ASAP1: variants seen among roughly 807,000 people sequenced by gnomAD.
ASAP1 encodes the protein arf-GAP with SH3 domain, ANK repeat and PH domain-containing protein 1.
In ASAP1, 43 loss-of-function variants were observed where a neutral mutation model predicts 145.2. That is an observed-to-expected ratio of 0.30 (90% CI 0.23 to 0.38). The LOEUF is 0.38. Ranked by LOEUF, ASAP1 falls within the 10% of genes least tolerant of loss-of-function variation. ASAP1 has a pLI of 1.00. For synonymous variants in ASAP1, 546 were observed against 515.5 expected, an observed-to-expected ratio of 1.06 and a Z score of -0.80; for missense variants, 1,018 against 1,355.3, an observed-to-expected ratio of 0.75 and a Z score of 3.91.
chr8:130,283,407 G>A (rs756713371), intron 3 of ASAP1, among the ~76,000 whole-genome samples: 82 of 152,006 alleles, frequency 5.4e-4, no homozygotes, highest in African/African-American at 1.7e-3. Flanking sequence ...GTGAAACCTC[G>A]TCTCTACTAA....
chr8:130,389,325 C>T (rs375758437), intron 2 of ASAP1, among the ~76,000 whole-genome samples: 3 of 152,222 alleles, frequency 2.0e-5, no homozygotes, highest in South Asian at 2.1e-4. Context: ...TCTGCAGTTC[C>T]GCCATGTGAT....
intron 24 of ASAP1, among the ~76,000 whole-genome samples, chr8:130,104,337 C>T (rs1375277836): frequency 1.3e-5 from 2 of 152,210 alleles, no homozygotes; most frequent in East Asian, 1.9e-4. Context: ...TGAATCTTTG[C>T]CCTGGCATGC....
At chr8:130,361,647 C>T (rs1454479486) in intron 2 of ASAP1, 1 of 1,481,728 alleles carries the variant, frequency 6.7e-7, no homozygotes, top group South Asian at 1.2e-5. Context: ...ATTACAATTT[C>T]AAAGGTTCAC....
chr8:130,203,405 T>C (rs1351988329), intron 5 of ASAP1, among the ~76,000 whole-genome samples: 1 of 152,116 alleles, frequency 6.6e-6, no homozygotes, highest in Admixed American at 6.5e-5. Context: ...CACTAACCCG[T>C]GTTTCCCGGT....
At chr8:130,191,010 A>T (rs1292692317) in intron 5 of ASAP1, among the ~76,000 whole-genome samples, 3 of 151,736 alleles carry the variant, frequency 2.0e-5, no homozygotes, top group Non-Finnish European at 4.4e-5. Flanking sequence ...CATTAAAAAG[A>T]TGAGATATTT....
At chr8:130,197,126 C>T (rs765633515) in intron 5 of ASAP1, among the ~76,000 whole-genome samples, 19 of 152,186 alleles carry the variant, frequency 1.2e-4, no homozygotes, top group Non-Finnish European at 2.1e-4. Context: ...GTCAGTGGAT[C>T]GAGACAGAAC....
Position 130,058,094 on chromosome 8 carries a change from G to A in ASAP1, c.3193-18C>T, listed in dbSNP as rs1374540485. 6.2e-7 allele frequency: 1 copy of A among 1,610,240 alleles called. No homozygotes were observed. Among genetic ancestry groups the A allele is most frequent in the Admixed American group, 1.7e-5 (1 of 59,900 alleles). ...TTTTTCCCCTTAAAGAAAGAAACTG[G>A]GTTTTAATTGAAAGAATGGACTGAA... On this transcript the variant is annotated intron_variant, in intron 28 of 29. Transcript: ENST00000518721.
At chr8:130,307,693 T>C (rs1823078454) in intron 3 of ASAP1, among the ~76,000 whole-genome samples, 1 of 152,068 alleles carries the variant, frequency 6.6e-6, no homozygotes, top group African/African-American at 2.4e-5. Flanking sequence ...GAGGTAGGAG[T>C]AACAGCGATA....
intron 25 of ASAP1, chr8:130,083,900 C>T (rs1456434935): frequency 6.6e-6 from 1 of 152,256 alleles, no homozygotes; most frequent in Non-Finnish European, 1.5e-5. Context: ...TTCACTGATT[C>T]TCCTGCCTCA....
chr8:130,392,747 C>T (rs1419145207), intron 2 of ASAP1, among the ~76,000 whole-genome samples: 1 of 150,962 alleles, frequency 6.6e-6, no homozygotes, highest in African/African-American at 2.4e-5. Context: ...CAACTCGTGG[C>T]AGAAGGGGAA....
chr8:130,377,787 T>C (rs1417443820), intron 2 of ASAP1, among the ~76,000 whole-genome samples: 10 of 152,136 alleles, frequency 6.6e-5, no homozygotes, highest in Non-Finnish European at 1.5e-4. Flanking sequence ...TGTCTCAGGG[T>C]GCTCTCCACA....
intron 3 of ASAP1, among the ~76,000 whole-genome samples, chr8:130,295,759 C>G (rs1029342278): frequency 1.3e-5 from 2 of 152,146 alleles, no homozygotes; most frequent in African/African-American, 4.8e-5. Context: ...CTAAAAATAG[C>G]ATGAAGCTGT....
intron 9 of ASAP1, among the ~76,000 whole-genome samples, chr8:130,172,976 A>G (rs925042707): frequency 6.6e-6 from 1 of 152,260 alleles, no homozygotes; most frequent in Non-Finnish European, 1.5e-5. Flanking sequence ...AAACAAAACA[A>G]ACCAGATACA....
rs1826446180 is a variant in ASAP1, at chr8:130,358,020, C to T, written c.183G>A (p.Glu61=). The T allele has an allele frequency of 1.2e-6, 2 of 1,606,416 alleles. No individual in the cohort carries two copies. The highest frequency in any genetic ancestry group is 1.3e-5 in the African/African-American group (1 of 74,712). The change falls in exon 3 of 30, where the codon GAG becomes GAA. Residue 61 remains glutamate (E), a synonymous_variant. Transcript: ENST00000518721. This position sits in a 1 kb window ranked among gnomAD's most constrained non-coding sequence, Gnocchi z 4.1. ...HNCRNTVTLL[E]EALDQDRTAL... is the part of the protein sequence containing the mutation. ...CGGGGGTCCCGGCCCGACCTACCTC[C>T]TCCAGCAGCGTGACGGTGTTCCTGC...
intron 13 of ASAP1, 136 bp from the exon 14 acceptor site, chr8:130,137,174 A>G: frequency 1.4e-6 from 1 of 731,236 alleles, no homozygotes. Context: ...CAAAGAAGAA[A>G]CAGACATCTG....
chr8:130,335,813 G>C (rs1238532306), intron 3 of ASAP1, among the ~76,000 whole-genome samples: 1 of 152,168 alleles, frequency 6.6e-6, no homozygotes, highest in African/African-American at 2.4e-5. Context: ...AACAGGAGTA[G>C]CTACTCTGTA....
chr8:130,382,082 C>G (rs542310931), intron 2 of ASAP1, among the ~76,000 whole-genome samples: 101 of 152,098 alleles, frequency 6.6e-4, no homozygotes, highest in Admixed American at 1.5e-3. Context: ...GTCAGGAGAT[C>G]AAGACCATCC....
chr8:130,097,159 A>AAAAAC (rs2097520000), intron 24 of ASAP1, among the ~76,000 whole-genome samples: 3 of 132,946 alleles, frequency 2.3e-5, no homozygotes, highest in Non-Finnish European at 3.2e-5. Context: ...AAAAAAAAAA[A>AAAAAC]AAGTCCTTGA....
intron 3 of ASAP1, among the ~76,000 whole-genome samples, chr8:130,245,122 A>T (rs1818770487): frequency 6.6e-6 from 1 of 152,266 alleles, no homozygotes; most frequent in South Asian, 2.1e-4. Flanking sequence ...TAAAGATGTT[A>T]TCATGTTAGT....
Sources: allele counts gnomAD v4.1 joint callset (sites outside exome capture counted in the v4.1 genomes callset), GRCh38; gene constraint gnomAD v4.1.1; non-coding constraint Gnocchi (gnomAD v3.1); transcripts MANE v1.5; gene names NCBI Gene and HGNC (gene_info 2026-07-23, HGNC 2026-07-21).